ADAM19: variants seen among roughly 807,000 people sequenced by gnomAD.
ADAM19 encodes disintegrin and metalloproteinase domain-containing protein 19.
Under a neutral mutation model 114.7 loss-of-function variants are expected in ADAM19, and 65 were observed. The observed-to-expected ratio is 0.57, with a 90% CI of 0.46 to 0.70. The LOEUF (loss-of-function observed/expected upper bound fraction) is 0.70. Among genes scored for constraint, ADAM19 ranks in the 30% least tolerant of loss-of-function variants. The pLI is 0.00. For synonymous variants in ADAM19, 466 were observed against 460.5 expected, an observed-to-expected ratio of 1.01 and a Z score of -0.15; for missense variants, 1,063 against 1,204.7, an observed-to-expected ratio of 0.88 and a Z score of 1.74.
At chr5:157,518,300 G>A (rs1002915037) in intron 7 of ADAM19, among the ~76,000 whole-genome samples, 1 of 148,702 alleles carries the variant, frequency 6.7e-6, no homozygotes, top group Non-Finnish European at 1.5e-5. Context: ...AGGCTTAGCT[G>A]TGTGTGGAGG....
At chr5:157,517,953 G>GTC (rs1756140765) in intron 7 of ADAM19, among the ~76,000 whole-genome samples, 1 of 152,146 alleles carries the variant, frequency 6.6e-6, no homozygotes, top group African/African-American at 2.4e-5. Flanking sequence ...GATTCAGGAG[G>GTC]TCGGGGGCAG....
At chr5:157,504,363 G>A (rs576069298) in intron 11 of ADAM19, among the ~76,000 whole-genome samples, 11 of 152,182 alleles carry the variant, frequency 7.2e-5, no homozygotes, top group Admixed American at 2.6e-4. Flanking sequence ...TGATTTTCCC[G>A]CCTCAGCCTC....
intron 12 of ADAM19, 77 bp from the exon 13 acceptor site, chr5:157,499,739 C>A: frequency 3.2e-6 from 3 of 935,310 alleles, no homozygotes; most frequent in Non-Finnish European, 5.1e-6. Context: ...CTTGCCCACA[C>A]ACCCCTGGAA....
chr5:157,502,422 A>G (rs1755594269), intron 12 of ADAM19, among the ~76,000 whole-genome samples: 2 of 152,174 alleles, frequency 1.3e-5, no homozygotes, highest in Admixed American at 6.5e-5. Flanking sequence ...AAGCATCCTC[A>G]TAAGGCCCCT....
intron 3 of ADAM19, among the ~76,000 whole-genome samples, chr5:157,563,133 A>G (rs545975905): frequency 6.6e-6 from 1 of 152,156 alleles, no homozygotes; most frequent in South Asian, 2.1e-4. Context: ...GGGCCAATAG[A>G]CGCTGCACTG....
At position 157,480,782 on chromosome 5, in the gene ADAM19, C is replaced by T. The variant is rs760622400; in HGVS notation, c.*167G>A. The T allele has an allele frequency of 1.9e-5, 28 of 1,452,676 alleles. No individual in the cohort carries two copies. The South Asian group carries it at 2.9e-4, about 15-fold the overall frequency. 90.0% of individuals were successfully genotyped at this position (1,452,676 alleles called of 1,614,324 possible). ...AGTCCCTCTGGGCTTCCAAGGAAGCCGAGGAGGCACTGAGTCAACAGGGAG... is the reference window on the plus strand; with the variant it reads ...AGTCCCTCTGGGCTTCCAAGGAAGCTGAGGAGGCACTGAGTCAACAGGGAG... On this transcript the variant is annotated 3_prime_UTR_variant, in exon 23 of 23. Transcript: ENST00000257527.
At chr5:157,497,590 C>CACACACACAAACAT (rs1755406859) in intron 13 of ADAM19, among the ~76,000 whole-genome samples, 1 of 151,358 alleles carries the variant, frequency 6.6e-6, no homozygotes, top group Admixed American at 6.6e-5. Flanking sequence ...CACACACACA[C>CACACACACAAACAT]ACACACACAA....
intron 15 of ADAM19, 95 bp downstream of exon 15, chr5:157,494,591 TG>T: frequency 1.0e-6 from 1 of 965,196 alleles, no homozygotes; most frequent in Non-Finnish European, 1.6e-6. Context: ...GGTGCAGCTC[TG>T]GGGCCAGTCA....
At chr5:157,549,113 G>A (rs985096489) in intron 3 of ADAM19, among the ~76,000 whole-genome samples, 3 of 152,138 alleles carry the variant, frequency 2.0e-5, no homozygotes, top group Non-Finnish European at 4.4e-5. Context: ...AGTGGGGAGG[G>A]GTGGGAGGAA....
intron 8 of ADAM19, among the ~76,000 whole-genome samples, chr5:157,511,289 T>C (rs907987296): frequency 6.6e-6 from 1 of 152,206 alleles, no homozygotes; most frequent in Non-Finnish European, 1.5e-5. Context: ...AGAATAATCA[T>C]AGCACCAACA....
At chr5:157,520,630 C>G (rs563128960) in intron 5 of ADAM19, among the ~76,000 whole-genome samples, 1 of 152,152 alleles carries the variant, frequency 6.6e-6, no homozygotes, top group Admixed American at 6.5e-5. Flanking sequence ...ATCCCTAACA[C>G]GGCAATGATA....
chr5:157,570,396 A>G (rs116519971), intron 2 of ADAM19: 1,618 of 152,712 alleles, frequency 0.011, 26 homozygotes, highest in African/African-American at 0.037. Context: ...TCTCTTTGAT[A>G]AAGCCTATGT....
chr5:157,479,624 G>T lies in ADAM19; in HGVS notation c.*1325C>A. 1 of 985,904 alleles carries T rather than the reference G, an allele frequency of 1.0e-6. No homozygotes were observed. The highest frequency in any genetic ancestry group is 4.7e-5 in the South Asian group (1 of 21,276). The allele number at this position is 985,904 out of a possible 1,614,324, so 61.1% of individuals were successfully genotyped here. A position where few individuals can be genotyped will look rare whatever the true frequency, so the allele number is the denominator to read the frequency against. On this transcript the variant is annotated 3_prime_UTR_variant, in exon 23 of 23. Transcript: ENST00000257527. ...CTCACCTGCTCAGAGCTCTCTTTCT[G>T]TGAGGGTCAGGTAAGGGCAGTGACC... is the stretch of plus-strand genomic sequence containing the variant.
intron 9 of ADAM19, among the ~76,000 whole-genome samples, chr5:157,507,875 A>T (rs1183721941): frequency 6.6e-6 from 1 of 152,196 alleles, no homozygotes; most frequent in African/African-American, 2.4e-5. Flanking sequence ...TGCCACAAAC[A>T]TGTAATGTAT....
chr5:157,547,368 T>G (rs1426665766), intron 3 of ADAM19, among the ~76,000 whole-genome samples: 1 of 152,082 alleles, frequency 6.6e-6, no homozygotes, highest in Non-Finnish European at 1.5e-5. Flanking sequence ...AATGCAACAG[T>G]GTTGGAAGGT....
rs763871952 is a variant in ADAM19 at position 157,481,905 on chromosome 5, C to T, written c.2589G>A (p.Pro863=). 6.2e-6 allele frequency: 10 copies of T among 1,605,620 alleles called. No homozygotes were observed. The highest frequency in any genetic ancestry group is 1.1e-5 in the South Asian group (1 of 89,262). ...TCCTGCGGCCTGGCACTGGGTTTGC[C>T]GGGAGTGCCTTCTGGGGCGGCCGAG... is the stretch of plus-strand genomic sequence containing the variant. ...SRPRPPQKAL[P]ANPVPGRRSL... is the part of the protein sequence containing the mutation. Residue 863 remains proline (P), a synonymous_variant, in exon 22 of 23, where the codon CCG becomes CCA. Coordinates refer to ENST00000257527, the MANE Select transcript of ADAM19 (RefSeq NM_033274.5).
chr5:157,518,970 T>C, intron 6 of ADAM19, 82 bp from the exon 7 acceptor site: 3 of 1,172,124 alleles, frequency 2.6e-6, no homozygotes, highest in Admixed American at 3.5e-5. Context: ...ACAGAGCTGC[T>C]GGATAAGCAG....
intron 5 of ADAM19, among the ~76,000 whole-genome samples, chr5:157,523,982 C>T (rs1756382730): frequency 6.6e-6 from 1 of 152,214 alleles, no homozygotes; most frequent in Admixed American, 6.5e-5. Context: ...TGGCCACTTC[C>T]CTCCCTTCCT....
intron 1 of ADAM19, 101 bp downstream of exon 1, chr5:157,575,502 C>T (rs1482516504): frequency 5.8e-6 from 5 of 865,514 alleles, no homozygotes; most frequent in South Asian, 2.4e-5. Context: ...CGCGGAGTTG[C>T]GGGAGGCGCA....
Sources: gnomAD v4.1 joint callset for allele counts (sites outside exome capture counted in the v4.1 genomes callset) on GRCh38, gnomAD v4.1.1 for gene constraint, MANE v1.5 for transcripts, NCBI Gene and HGNC (gene_info 2026-07-23, HGNC 2026-07-21) for gene names.